Variants in CCDC39 observed in about 807,000 individuals in gnomAD.
CCDC39 encodes the protein coiled-coil domain 39 molecular ruler complex subunit.
Under a neutral mutation model 121.0 loss-of-function variants are expected in CCDC39, and 113 were observed. The ratio of observed to expected loss-of-function variants is 0.93; its 90% CI spans 0.80 to 1.09. The LOEUF (loss-of-function observed/expected upper bound fraction) is 1.09, where lower values mean the gene tolerates loss of function less well. Ranked by LOEUF, CCDC39 falls within the 50% of genes least tolerant of loss-of-function variation. The pLI is 0.00. For synonymous variants in CCDC39, 349 were observed against 352.2 expected, an observed-to-expected ratio of 0.99 and a Z score of 0.10; for missense variants, 1,063 against 1,074.7, an observed-to-expected ratio of 0.99 and a Z score of 0.15.
intron 4 of CCDC39, 113 bp downstream of exon 4, chr3:180,660,457 C>A (rs1164830601): frequency 1.1e-6 from 1 of 930,136 alleles, no homozygotes; most frequent in East Asian, 2.8e-5. Context: ...AAGCCTCTGA[C>A]TCAGAAGTTT....
rs138427327 is a variant in CCDC39 at position 180,656,404 on chromosome 3, C to T, written c.739-1451G>A. Among the ~76,000 whole-genome samples, 235 of 152,230 alleles carry T rather than the reference C, an allele frequency of 1.5e-3. 1 individual carries two copies. Among genetic ancestry groups the T allele is most frequent in the African/African-American group, 5.2e-3 (215 of 41,528 alleles). On this transcript the variant is annotated intron_variant, in intron 6 of 19. Transcript: ENST00000476379. ...CTACACGTTGTTTCTTTTAAGAATA[C>T]AATTTCAGGATTTTATGACCAGACC...
chr3:180,629,204 G>C (rs1717636239), intron 14 of CCDC39, among the ~76,000 whole-genome samples: 2 of 152,182 alleles, frequency 1.3e-5, no homozygotes, highest in South Asian at 4.1e-4. Flanking sequence ...TATGAAAACA[G>C]ATTTTATATT....
Position 180,616,670 on chromosome 3 carries a change from C to T in CCDC39, c.2432G>A (p.Arg811His), listed in dbSNP as rs61733583. ...KQCAKLTKEI[R>H]LLKDTKDETM... The stretch of plus-strand genomic sequence containing the variant: ...TTCATCTTTTGTGTCTTTCAAAAGA[C>T]GGATTTCCTTTGTGAGTTTTGCACA... The change falls in exon 18 of 20, where the codon CGT becomes CAT. Residue 811 changes from arginine (R) to histidine (H), a missense_variant. Arg to His is a conservative substitution (Grantham distance 29). Transcript: ENST00000476379. 5.0e-3 allele frequency: 7,936 copies of T among 1,590,776 alleles called. 77 individuals carry two copies. Among genetic ancestry groups the T allele is most frequent in the East Asian group, 0.045 (1,986 of 44,278 alleles).
intron 1 of CCDC39, among the ~76,000 whole-genome samples, chr3:180,677,002 G>A (rs1245466547): frequency 3.3e-4 from 50 of 151,022 alleles, no homozygotes; most frequent in Non-Finnish European, 5.5e-4. Context: ...GTTGTGGGGT[G>A]TGGGCAGCGG....
chr3:180,643,604 G>A (rs916419473), intron 12 of CCDC39, among the ~76,000 whole-genome samples: 3 of 152,086 alleles, frequency 2.0e-5, no homozygotes, highest in Non-Finnish European at 2.9e-5. Context: ...AGTATTAATG[G>A]TACCCTCTAG....
At chr3:180,640,662 A>G (rs1435698323) in intron 13 of CCDC39, among the ~76,000 whole-genome samples, 1 of 152,044 alleles carries the variant, frequency 6.6e-6, no homozygotes, top group Non-Finnish European at 1.5e-5. Context: ...ATGGCAATAA[A>G]TTTGAAATTT....
chr3:180,660,179 A>T (rs1440330374), intron 4 of CCDC39, among the ~76,000 whole-genome samples: 1 of 152,096 alleles, frequency 6.6e-6, no homozygotes, highest in Non-Finnish European at 1.5e-5. Context: ...TACAGTCTCA[A>T]ATCAGCAAAA....
chr3:180,651,310 A>C, intron 9 of CCDC39, 91 bp downstream of exon 9: 1 of 1,058,874 alleles, frequency 9.4e-7, no homozygotes, highest in Non-Finnish European at 1.4e-6. Flanking sequence ...GCTTCTTACA[A>C]GACCTCCTCG....
At chr3:180,619,769 G>T in intron 15 of CCDC39, 42 bp downstream of exon 15, 3 of 1,147,134 alleles carry the variant, frequency 2.6e-6, no homozygotes, top group South Asian at 1.9e-5. Context: ...CTATACACTC[G>T]TCACTGTATA....
At chr3:180,633,061 C>T (rs1396228964) in intron 13 of CCDC39, among the ~76,000 whole-genome samples, 1 of 152,150 alleles carries the variant, frequency 6.6e-6, no homozygotes, top group Non-Finnish European at 1.5e-5. Context: ...TCAAAATAAA[C>T]ACCTCCTAAC....
At chr3:180,634,194 T>C (rs1717772785) in intron 13 of CCDC39, among the ~76,000 whole-genome samples, 1 of 116,770 alleles carries the variant, frequency 8.6e-6, no homozygotes, top group Non-Finnish European at 1.6e-5. Flanking sequence ...TAACAGCAGC[T>C]AAATGTTTCT....
chr3:180,675,979 A>G (rs1382296208), intron 1 of CCDC39, among the ~76,000 whole-genome samples: 1 of 152,218 alleles, frequency 6.6e-6, no homozygotes, highest in Non-Finnish European at 1.5e-5. Context: ...CTTACACCTT[A>G]TACAAAAATT....
intron 1 of CCDC39, among the ~76,000 whole-genome samples, chr3:180,675,417 G>C (rs930415930): frequency 1.3e-5 from 2 of 151,480 alleles, no homozygotes; most frequent in Admixed American, 1.3e-4. Context: ...TTTGTTGATC[G>C]TTTCAAAAAA....
intron 9 of CCDC39, 35 bp downstream of exon 9, chr3:180,651,366 C>T (rs993605507): frequency 2.3e-5 from 35 of 1,518,932 alleles, no homozygotes; most frequent in Middle Eastern, 1.7e-4. Context: ...GCTAAATTTT[C>T]TGTGATTTAA....
rs892430127 is a variant in CCDC39, at chr3:180,626,259, G to T, written c.1998+5210C>A. On this transcript the variant is annotated intron_variant, in intron 14 of 19. Transcript: ENST00000476379. Reference sequence around the variant, plus strand: ...TCATGTGCCAACAGTGATGCACTGGGTTAGTAAATATCTGGGCCCCTGGAT... The same window carrying T: ...TCATGTGCCAACAGTGATGCACTGGTTTAGTAAATATCTGGGCCCCTGGAT... 2.0e-5 allele frequency among the ~76,000 whole-genome samples: 3 copies of T among 152,246 alleles called. No homozygotes were observed. In the South Asian group the frequency reaches 6.2e-4, roughly 32 times the overall value.
chr3:180,668,797 G>T (rs1352049108), intron 1 of CCDC39, among the ~76,000 whole-genome samples: 1 of 152,070 alleles, frequency 6.6e-6, no homozygotes, highest in Non-Finnish European at 1.5e-5. Context: ...TCACAATCTA[G>T]AGTAATGCCT....
intron 16 of CCDC39, among the ~76,000 whole-genome samples, chr3:180,617,993 A>G (rs1560079904): frequency 6.6e-6 from 1 of 152,050 alleles, no homozygotes; most frequent in African/African-American, 2.4e-5. Flanking sequence ...TTTTTAATCC[A>G]TTATACCATA....
rs999607822 is a variant in CCDC39, at chr3:180,651,439, A to G, written c.1129T>C (p.Leu377=). 6.4e-7 allele frequency: 1 copy of G among 1,559,694 alleles called. No homozygotes were observed. Among genetic ancestry groups the G allele is most frequent in the Non-Finnish European group, 8.7e-7 (1 of 1,150,226 alleles). The change falls in exon 9 of 20, where the codon TTG becomes CTG. Residue 377 remains leucine (L), a synonymous_variant. Coordinates refer to ENST00000476379, the MANE Select transcript of CCDC39 (RefSeq NM_181426.2). ...TCCTCCTCCTTTAGCATATCTTCCA[A>G]ATTAGTAGCTTTCTCTTCTACAGAC... The part of the protein sequence containing the change: ...TMSVEEKATN[L]EDMLKEEEKD...
intron 13 of CCDC39, among the ~76,000 whole-genome samples, chr3:180,634,239 C>T (rs1717774136): frequency 6.8e-6 from 1 of 147,022 alleles, no homozygotes; most frequent in Non-Finnish European, 1.5e-5. Flanking sequence ...CCAAAAGCTT[C>T]TGCCACTGGC....
Sources: allele counts gnomAD v4.1 joint callset (sites outside exome capture counted in the v4.1 genomes callset), GRCh38; gene constraint gnomAD v4.1.1; transcripts MANE v1.5; gene names NCBI Gene and HGNC (gene_info 2026-07-23, HGNC 2026-07-21).